Variants in PTPRQ observed in about 807,000 individuals in gnomAD.
PTPRQ encodes phosphatidylinositol phosphatase PTPRQ.
PTPRQ carries 199 observed loss-of-function variants against 246.0 expected under a neutral mutation model. That is an observed-to-expected ratio of 0.81 (90% CI 0.72 to 0.91). The LOEUF (loss-of-function observed/expected upper bound fraction) is 0.91. Ranked by LOEUF, PTPRQ falls within the 40% of genes least tolerant of loss-of-function variation. The probability of loss-of-function intolerance (pLI) is 0.00; values close to 1 mark genes in which losing one functional copy is unlikely to be tolerated. For synonymous variants in PTPRQ, 869 were observed against 853.2 expected, an observed-to-expected ratio of 1.02 and a Z score of -0.32; for missense variants, 2,624 against 2,528.4, an observed-to-expected ratio of 1.04 and a Z score of -0.81.
Position 80,619,529 on chromosome 12 carries a change from G to T in PTPRQ, c.5376G>T (p.Val1792=). 6.5e-7 allele frequency: 1 copy of T among 1,532,802 alleles called. No individual in the cohort carries two copies. The highest frequency in any genetic ancestry group is 2.5e-5 in the East Asian group (1 of 40,518). 95.0% of individuals were successfully genotyped at this position (1,532,802 alleles called of 1,614,324 possible). A position where few individuals can be genotyped will look rare whatever the true frequency, so the allele number is the denominator to read the frequency against. Residue 1792 remains valine, a synonymous_variant, in exon 31 of 45, where the codon GTG becomes GTT. Coordinates refer to ENST00000644991, the MANE Select transcript of PTPRQ (RefSeq NM_001145026.2). ...HGPIKNVQVL[V]TETGAQHDGN... Reference sequence around the variant, plus strand: ...CAATAAAAAATGTACAAGTGCTTGTGACAGAAACAGGAGGTATCATCACAT... The same window carrying T: ...CAATAAAAAATGTACAAGTGCTTGTTACAGAAACAGGAGGTATCATCACAT...
At chr12:80,610,248 A>G (rs1306088956) in intron 27 of PTPRQ, among the ~76,000 whole-genome samples, 191 bp from the exon 28 acceptor site, 2 of 150,518 alleles carry the variant, frequency 1.3e-5, no homozygotes, top group Non-Finnish European at 3.0e-5. Context: ...TTTACTTTCA[A>G]CTATTAAAAT....
intron 35 of PTPRQ, among the ~76,000 whole-genome samples, chr12:80,645,083 A>T (rs17007069): frequency 6.6e-6 from 1 of 152,076 alleles, no homozygotes; most frequent in Non-Finnish European, 1.5e-5. Context: ...TGAAGAACAG[A>T]TTCTAAAAAG....
Position 80,506,184 on chromosome 12 carries a change from C to G in PTPRQ, c.2433C>G (p.Thr811=). 6.7e-7 allele frequency: 1 copy of G among 1,492,870 alleles called. No individual in the cohort carries two copies. Among genetic ancestry groups the G allele is most frequent in the Non-Finnish European group, 8.9e-7 (1 of 1,124,788 alleles). 92.5% of individuals were successfully genotyped at this position (1,492,870 alleles called of 1,614,324 possible). A position where few individuals can be genotyped will look rare whatever the true frequency, so the allele number is the denominator to read the frequency against. ...NGNEERTINT[T]SLTQNIKVLK... ...ATGAGGAAAGAACTATAAATACAACCTCTTTAACCCAAAACATTAAAGGTA... is the reference window on the plus strand; with the variant it reads ...ATGAGGAAAGAACTATAAATACAACGTCTTTAACCCAAAACATTAAAGGTA... Residue 811 remains threonine, a synonymous_variant, in exon 15 of 45, where the codon ACC becomes ACG. Coordinates refer to ENST00000644991, the MANE Select transcript of PTPRQ (RefSeq NM_001145026.2).
At chr12:80,534,268 A>G in intron 18 of PTPRQ, 93 bp downstream of exon 18, 1 of 1,260,836 alleles carries the variant, frequency 7.9e-7, no homozygotes, top group South Asian at 1.9e-5. Flanking sequence ...AAAATGTATG[A>G]TGAAGCCTAA....
intron 9 of PTPRQ, among the ~76,000 whole-genome samples, chr12:80,488,747 A>G (rs112467018): frequency 9.7e-4 from 147 of 152,122 alleles, no homozygotes; most frequent in African/African-American, 3.3e-3. Flanking sequence ...GCATGATTTG[A>G]TCTCATTACC....
At chr12:80,538,899 A>G (rs1048337310) in intron 19 of PTPRQ, among the ~76,000 whole-genome samples, 1 of 152,138 alleles carries the variant, frequency 6.6e-6, no homozygotes, top group Non-Finnish European at 1.5e-5. Flanking sequence ...AAGCTTTGAG[A>G]TTAAATGATT....
chr12:80,521,947 C>T (rs1895507968), intron 17 of PTPRQ, among the ~76,000 whole-genome samples: 1 of 152,108 alleles, frequency 6.6e-6, no homozygotes. Context: ...CATAAATTAC[C>T]TTGGGCAGTG....
chr12:80,473,047 GCACA>G lies in PTPRQ; in HGVS notation c.1186+823_1186+826del, dbSNP rs34054644. Among the ~76,000 whole-genome samples the G allele has an allele frequency of 3.1e-3, 454 of 145,304 alleles. 2 individuals carry two copies. Among genetic ancestry groups the G allele is most frequent in the East Asian group, 4.5e-3 (22 of 4,906 alleles). ...TACACACACACACACTCACACACAC[GCACA>G]CACACACACACACACACACACACAC... is the stretch of plus-strand genomic sequence containing the variant. On this transcript the variant is annotated intron_variant, in intron 8 of 44. Transcript: ENST00000644991.
chr12:80,572,801 T>C (rs1257040901), intron 25 of PTPRQ, among the ~76,000 whole-genome samples: 5 of 152,194 alleles, frequency 3.3e-5, no homozygotes, highest in Non-Finnish European at 7.4e-5. Flanking sequence ...TGTGATAAGT[T>C]ACATGGTTTA....
intron 14 of PTPRQ, among the ~76,000 whole-genome samples, chr12:80,498,493 G>A (rs1308869421): frequency 6.6e-6 from 1 of 152,080 alleles, no homozygotes; most frequent in East Asian, 1.9e-4. Context: ...TAGTTGGTGG[G>A]TGTTTCATTG....
At chr12:80,456,397 G>A (rs1892983471) in intron 3 of PTPRQ, among the ~76,000 whole-genome samples, 1 of 152,106 alleles carries the variant, frequency 6.6e-6, no homozygotes, top group Admixed American at 6.6e-5. Flanking sequence ...ATAGCTTAAA[G>A]AATAGGCAAC....
At chr12:80,650,963 T>C (rs1900237269) in intron 37 of PTPRQ, among the ~76,000 whole-genome samples, 1 of 152,068 alleles carries the variant, frequency 6.6e-6, no homozygotes, top group African/African-American at 2.4e-5. Context: ...TTTTAATAAA[T>C]ACATTTTTGG....
intron 6 of PTPRQ, among the ~76,000 whole-genome samples, chr12:80,467,571 G>A (rs1017113321): frequency 2.6e-5 from 4 of 152,172 alleles, no homozygotes; most frequent in African/African-American, 4.8e-5. Flanking sequence ...TGTTTATTGC[G>A]GCATTATTCA....
intron 35 of PTPRQ, among the ~76,000 whole-genome samples, chr12:80,638,513 G>C (rs923519863): frequency 1.3e-5 from 2 of 152,060 alleles, no homozygotes; most frequent in African/African-American, 2.4e-5. Flanking sequence ...CAAACATGGT[G>C]CTTGGTACTA....
At chr12:80,597,912 A>C (rs1287115752) in intron 26 of PTPRQ, among the ~76,000 whole-genome samples, 1 of 152,016 alleles carries the variant, frequency 6.6e-6, no homozygotes, top group Non-Finnish European at 1.5e-5. Context: ...ACATGATGCT[A>C]TTCTCAGAAA....
chr12:80,581,722 C>T (rs1897443052), intron 25 of PTPRQ, among the ~76,000 whole-genome samples: 1 of 151,918 alleles, frequency 6.6e-6, no homozygotes, highest in Non-Finnish European at 1.5e-5. Context: ...AATATATCTT[C>T]ATCAAGGATC....
intron 3 of PTPRQ, 143 bp downstream of exon 3, chr12:80,445,860 C>T (rs1892538671): frequency 1.8e-6 from 1 of 570,720 alleles, no homozygotes; most frequent in Admixed American, 3.3e-5. Context: ...CTCACACCCA[C>T]CTGAGATTTT....
At chr12:80,477,338 T>C (rs1893844383) in intron 8 of PTPRQ, among the ~76,000 whole-genome samples, 1 of 152,194 alleles carries the variant, frequency 6.6e-6, no homozygotes, top group Admixed American at 6.5e-5. Context: ...ATTTTCAATC[T>C]GTTGTTATAA....
chr12:80,519,161 T>C (rs1273058301), intron 17 of PTPRQ, among the ~76,000 whole-genome samples: 1 of 152,136 alleles, frequency 6.6e-6, no homozygotes, highest in Non-Finnish European at 1.5e-5. Context: ...TTTTCATCAA[T>C]GTTTTATAGT....
Sources: gnomAD v4.1 joint callset for allele counts (sites outside exome capture counted in the v4.1 genomes callset) on GRCh38, gnomAD v4.1.1 for gene constraint, MANE v1.5 for transcripts, NCBI Gene and HGNC (gene_info 2026-07-23, HGNC 2026-07-21) for gene names.